Variants in ODF2 observed in about 807,000 individuals in gnomAD.
ODF2 encodes outer dense fiber protein 2.
In ODF2, 47 loss-of-function variants were observed where a neutral mutation model predicts 110.2. That is an observed-to-expected ratio of 0.43 (90% CI 0.34 to 0.54). The LOEUF is 0.54. ODF2 is among the 20% of genes least tolerant of loss of function. The pLI is 0.03. For synonymous variants in ODF2, 352 were observed against 397.7 expected, an observed-to-expected ratio of 0.89 and a Z score of 1.37; for missense variants, 812 against 1,054.5, an observed-to-expected ratio of 0.77 and a Z score of 3.19.
intron 1 of ODF2, chr9:128,456,548 G>A: frequency 6.5e-7 from 1 of 1,527,610 alleles, no homozygotes. Flanking sequence ...TCTCTCTATG[G>A]GCAGAAACCG....
intron 5 of ODF2, among the ~76,000 whole-genome samples, chr9:128,470,715 C>G (rs778305159): frequency 6.6e-6 from 1 of 152,016 alleles, no homozygotes; most frequent in Non-Finnish European, 1.5e-5. Context: ...GCCAGCCAAA[C>G]CACGGTTTGC....
chr9:128,473,369 C>G, intron 7 of ODF2: 2 of 684,254 alleles, frequency 2.9e-6, no homozygotes, highest in Non-Finnish European at 3.6e-6. Context: ...TCTGCCCTGA[C>G]TGTGCTCACC....
In ODF2 at chr9:128,459,650, CTG is replaced by C. The variant is rs779884499; in HGVS notation, c.119_120del (p.Val40AspfsTer67). On this transcript the variant is annotated frameshift_variant, in exon 3 of 21. Coordinates refer to ENST00000604420, the Ensembl canonical transcript of ODF2. LOFTEE classifies it high-confidence loss of function. ...GCACCTTGTGGCGCACCCAGTGTAA[CTG>C]TGACGGTAGGTGATGCACTCACGTA... 6.2e-7 allele frequency: 1 copy of C among 1,612,898 alleles called. No individual in the cohort carries two copies. Among genetic ancestry groups the C allele is most frequent in the Non-Finnish European group, 8.5e-7 (1 of 1,178,920 alleles).
chr9:128,499,014 A>G, exon 20 of ODF2: 3 of 1,614,026 alleles, frequency 1.9e-6, no homozygotes, highest in Non-Finnish European at 2.5e-6. Context: ...GAACAAACCA[A>G]GGAGCACGCA....
chr9:128,459,217 G>GGGTGCT (rs1481387031), intron 2 of ODF2, among the ~76,000 whole-genome samples: 1 of 152,174 alleles, frequency 6.6e-6, no homozygotes, highest in Non-Finnish European at 1.5e-5. Flanking sequence ...GCACTGTCCT[G>GGGTGCT]GGTGCTTCTA....
chr9:128,471,577 C>A, intron 6 of ODF2, 109 bp downstream of exon 6: 2 of 961,078 alleles, frequency 2.1e-6, no homozygotes, highest in Non-Finnish European at 1.6e-6. Context: ...AGGCACTGTG[C>A]CTGTGCCCTG....
intron 5 of ODF2, 90 bp from the exon 6 acceptor site, chr9:128,471,218 C>A (rs1321719867): frequency 8.9e-6 from 12 of 1,350,532 alleles, no homozygotes; most frequent in Admixed American, 2.6e-5. Flanking sequence ...CCGGCCGGGG[C>A]CTTATTTTGG....
At chr9:128,487,186 A>G (rs945016541) in intron 13 of ODF2, among the ~76,000 whole-genome samples, 2 of 152,118 alleles carry the variant, frequency 1.3e-5, no homozygotes, top group East Asian at 1.9e-4. Flanking sequence ...GGCTCAAGCA[A>G]TCCTCCCACC....
chr9:128,481,618 G>T, exon 9 of ODF2: 1 of 1,614,090 alleles, frequency 6.2e-7, no homozygotes, highest in South Asian at 1.1e-5. Flanking sequence ...GAGCACTGCT[G>T]AAACGGCTGG....
chr9:128,481,098 G>A (rs1024125784), intron 8 of ODF2, among the ~76,000 whole-genome samples: 1 of 152,144 alleles, frequency 6.6e-6, no homozygotes, highest in Non-Finnish European at 1.5e-5. Context: ...TTGGAGGTGG[G>A]TACAGGAGGA....
At chr9:128,469,903 GA>G in intron 5 of ODF2, among the ~76,000 whole-genome samples, 1 of 133,406 alleles carries the variant, frequency 7.5e-6, no homozygotes, top group Non-Finnish European at 1.5e-5. Context: ...AGAATTGCTT[GA>G]ACCCAGGAGC....
intron 8 of ODF2, among the ~76,000 whole-genome samples, chr9:128,474,978 G>A (rs559146459): frequency 6.6e-6 from 1 of 151,764 alleles, no homozygotes; most frequent in South Asian, 2.1e-4. Flanking sequence ...AAAAAAAAAA[G>A]TTGTCTGAAC....
intron 5 of ODF2, among the ~76,000 whole-genome samples, chr9:128,469,687 G>A (rs1044170594): frequency 1.2e-4 from 18 of 151,888 alleles, no homozygotes; most frequent in African/African-American, 3.9e-4. Context: ...TATGCCTTCC[G>A]CTTTATATAA....
At chr9:128,456,415 G>A in intron 1 of ODF2, 160 bp downstream of exon 1, 2 of 1,477,288 alleles carry the variant, frequency 1.4e-6, no homozygotes, top group Non-Finnish European at 8.9e-7. Context: ...CTGGGCCCCC[G>A]CCCCGCCCAC....
Position 128,461,075 on chromosome 9 carries a change from C to T in ODF2, c.249+8C>T, listed in dbSNP as rs1230546723. 6 of 1,613,468 alleles carry T rather than the reference C, an allele frequency of 3.7e-6. No individual in the cohort carries two copies. The Admixed American group carries it at 8.4e-5, about 22-fold the overall frequency. On this transcript the variant is annotated splice_region_variant and intron_variant, in intron 4 of 20. Transcript: ENST00000604420. ...GTGGGATGCAAGTGGGAGGTAGGCT[C>T]ACCCTTGCCCAGGCTTTTCTTCTCG...
intron 8 of ODF2, among the ~76,000 whole-genome samples, chr9:128,477,232 C>CA (rs954237831): frequency 3.0e-3 from 324 of 108,326 alleles, no homozygotes; most frequent in East Asian, 5.8e-3. Flanking sequence ...GACTCTGTCT[C>CA]AAAAAAAAAA....
At chr9:128,499,963 G>A (rs1045663493) in intron 20 of ODF2, 104 bp from the exon 21 acceptor site, 18 of 1,191,652 alleles carry the variant, frequency 1.5e-5, no homozygotes, top group Admixed American at 1.1e-4. Context: ...CTCCACACTC[G>A]CCTCCCCAAA....
At chr9:128,465,613 C>T (rs571178845) in intron 4 of ODF2, among the ~76,000 whole-genome samples, 10 of 152,140 alleles carry the variant, frequency 6.6e-5, no homozygotes, top group African/African-American at 2.2e-4. Context: ...TGGTGGCACG[C>T]TCCTGTAGGC....
chr9:128,488,585 C>T (rs1172559059), intron 14 of ODF2, among the ~76,000 whole-genome samples: 1 of 152,180 alleles, frequency 6.6e-6, no homozygotes, highest in Admixed American at 6.5e-5. Context: ...TGTACTCAGC[C>T]TGCGCACATG....
Sources: allele counts gnomAD v4.1 joint callset (sites outside exome capture counted in the v4.1 genomes callset), GRCh38; gene constraint gnomAD v4.1.1; transcripts MANE v1.5; gene names NCBI Gene and HGNC (gene_info 2026-07-23, HGNC 2026-07-21).